Variants in ADAM23 observed in about 807,000 individuals in gnomAD.
ADAM23 encodes the protein disintegrin and metalloproteinase domain-containing protein 23.
ADAM23 carries 33 observed loss-of-function variants against 120.1 expected under a neutral mutation model. The ratio of observed to expected loss-of-function variants is 0.27; its 90% CI spans 0.21 to 0.37. ADAM23 has a LOEUF of 0.37. Among genes scored for constraint, ADAM23 ranks in the 10% least tolerant of loss-of-function variants. The probability of loss-of-function intolerance (pLI) is 1.00; values close to 1 mark genes in which losing one functional copy is unlikely to be tolerated. For synonymous variants in ADAM23, 367 were observed against 375.2 expected (o/e 0.98, Z 0.25); for missense variants, 862 against 1,058.2 (o/e 0.81, Z 2.57).
intron 3 of ADAM23, among the ~76,000 whole-genome samples, chr2:206,529,025 G>A (rs1261995177): frequency 6.6e-6 from 1 of 152,166 alleles, no homozygotes; most frequent in East Asian, 1.9e-4. Flanking sequence ...ATAATCCAGT[G>A]CTCTTCAGGA....
chr2:206,508,082 T>G (rs993620560), intron 3 of ADAM23, among the ~76,000 whole-genome samples: 2 of 152,056 alleles, frequency 1.3e-5, no homozygotes, highest in Admixed American at 6.6e-5. Flanking sequence ...CAGGCTGGAG[T>G]GCAGTGGCGC....
rs571232348 is a variant in ADAM23 at position 206,530,907 on chromosome 2, G to A, written c.532G>A (p.Val178Met). The A allele has an allele frequency of 3.7e-5, 60 of 1,613,914 alleles. 1 individual carries two copies. In the South Asian group the frequency reaches 6.2e-4, roughly 17 times the overall value. Residue 178 changes from valine (V) to methionine (M), a missense_variant, in exon 4 of 26, where the codon GTG becomes ATG. Physicochemically the swap from Val to Met is conservative, Grantham distance 21. Transcript: ENST00000264377. ...TAGTGGTTTGTTGTCTTCTGATTAT[G>A]TGGAGATTCACTACGAAAATGGGAA... ...LNNGLLSSDY[V>M]EIHYENGKPQ...
In ADAM23 at chr2:206,560,123, G is replaced by A. The variant is rs1453973519; in HGVS notation, c.1169+5G>A. ...TGATGCTGTGCACCTCATCTCGTAC[G>A]TACTCATTTCAGCCTTTAGTGTAGT... On this transcript the variant is annotated splice_donor_5th_base_variant and intron_variant, in intron 11 of 25. Transcript: ENST00000264377. 1 of 1,611,286 alleles carries A rather than the reference G, an allele frequency of 6.2e-7. No individual in the cohort carries two copies. Among genetic ancestry groups the A allele is most frequent in the Non-Finnish European group, 8.5e-7 (1 of 1,178,422 alleles).
At chr2:206,523,929 C>T (rs868432829) in intron 3 of ADAM23, among the ~76,000 whole-genome samples, 1 of 151,972 alleles carries the variant, frequency 6.6e-6, no homozygotes, top group African/African-American at 2.4e-5. Context: ...AATGTCACTA[C>T]GCTCGAGGCT....
chr2:206,594,681 G>A, intron 22 of ADAM23, 56 bp from the exon 23 acceptor site: 7 of 1,589,300 alleles, frequency 4.4e-6, no homozygotes, highest in Non-Finnish European at 6.0e-6. Flanking sequence ...CCTCATTCAT[G>A]GAATGATGTT....
At chr2:206,521,197 T>G (rs1180883612) in intron 3 of ADAM23, among the ~76,000 whole-genome samples, 3 of 152,110 alleles carry the variant, frequency 2.0e-5, no homozygotes, top group Non-Finnish European at 4.4e-5. Flanking sequence ...GCAATGAGAT[T>G]ATAATCACCT....
Position 206,501,326 on chromosome 2 carries a change from A to G in ADAM23, c.509+20018A>G, listed in dbSNP as rs575670412. On this transcript the variant is annotated intron_variant, in intron 3 of 25. Transcript: ENST00000264377. ...GGTAGCTGATTCTTAAACTATGCTG[A>G]TTGCTATCAAGTACTTTTTTTTTTC... Among the ~76,000 whole-genome samples the G allele has an allele frequency of 6.6e-5, 10 of 151,810 alleles. No homozygotes were observed. In the South Asian group the frequency reaches 8.3e-4, roughly 13 times the overall value.
chr2:206,536,815 C>T (rs924021887), intron 4 of ADAM23, among the ~76,000 whole-genome samples: 1 of 152,032 alleles, frequency 6.6e-6, no homozygotes. Flanking sequence ...AAGAGATTCT[C>T]CTGTCTCAGC....
chr2:206,485,196 G>A (rs1695986411), intron 3 of ADAM23, among the ~76,000 whole-genome samples: 1 of 152,196 alleles, frequency 6.6e-6, no homozygotes, highest in Non-Finnish European at 1.5e-5. Flanking sequence ...TAGAACATGA[G>A]ATGTGTTGCT....
intron 2 of ADAM23, among the ~76,000 whole-genome samples, chr2:206,465,698 G>T (rs935157942): frequency 1.3e-5 from 2 of 152,064 alleles, no homozygotes; most frequent in African/African-American, 4.8e-5. Context: ...TGTAAAAATT[G>T]CTCTGTTTGT....
At chr2:206,470,614 AG>A (rs1401220073) in intron 2 of ADAM23, among the ~76,000 whole-genome samples, 4 of 152,184 alleles carry the variant, frequency 2.6e-5, no homozygotes, top group Non-Finnish European at 4.4e-5. Context: ...CTCTATGTTG[AG>A]GAACAGGCCT....
chr2:206,466,114 T>C (rs1695537525), intron 2 of ADAM23, among the ~76,000 whole-genome samples: 2 of 152,212 alleles, frequency 1.3e-5, no homozygotes, highest in African/African-American at 4.8e-5. Flanking sequence ...TTTGAAATAT[T>C]AGAAGCAGTA....
chr2:206,618,976 AG>A lies in ADAM23; in HGVS notation c.*1350del, dbSNP rs1698989973. The A allele has an allele frequency of 6.6e-6, 1 of 152,202 alleles. No homozygotes were observed. The highest frequency in any genetic ancestry group is 2.4e-5 in the African/African-American group (1 of 41,448). The allele number at this position is 152,202 out of a possible 1,614,324, so 9.4% of individuals were successfully genotyped here. ...TAAAAAAATTTTTTTAAATGTTAAA[AG>A]CTTGGAAAAAATTAAGCTTTCCATT... On this transcript the variant is annotated 3_prime_UTR_variant, in exon 26 of 26. Transcript: ENST00000264377.
At chr2:206,518,334 ACT>A (rs985451324) in intron 3 of ADAM23, among the ~76,000 whole-genome samples, 8 of 152,282 alleles carry the variant, frequency 5.3e-5, no homozygotes, top group Middle Eastern at 6.8e-3. Context: ...AAATGTCTAG[ACT>A]CTATAATTAG....
chr2:206,604,157 T>C (rs772412640), intron 24 of ADAM23, among the ~76,000 whole-genome samples: 1 of 151,890 alleles, frequency 6.6e-6, no homozygotes, highest in Non-Finnish European at 1.5e-5. Context: ...TCCCAGCTAC[T>C]TGGGAGGGTG....
chr2:206,575,360 T>A (rs937861376), intron 18 of ADAM23, among the ~76,000 whole-genome samples: 3 of 152,232 alleles, frequency 2.0e-5, no homozygotes, highest in Non-Finnish European at 4.4e-5. Context: ...ACACAGTTTT[T>A]ATAGTTAATT....
At chr2:206,576,259 C>T (rs1283807037) in intron 18 of ADAM23, among the ~76,000 whole-genome samples, 1 of 94,508 alleles carries the variant, frequency 1.1e-5, no homozygotes, top group Non-Finnish European at 2.3e-5. Context: ...TTATGTTTAC[C>T]ATATATGGTT....
intron 3 of ADAM23, among the ~76,000 whole-genome samples, chr2:206,488,032 T>G (rs1239377761): frequency 6.6e-6 from 1 of 152,260 alleles, no homozygotes; most frequent in African/African-American, 2.4e-5. Flanking sequence ...TAGAAAATGC[T>G]GATTTAAAGA....
At chr2:206,553,010 T>C (rs1049078619) in intron 9 of ADAM23, among the ~76,000 whole-genome samples, 2 of 152,108 alleles carry the variant, frequency 1.3e-5, no homozygotes, top group South Asian at 2.1e-4. Context: ...AGGTATGATA[T>C]GGTCATCAGT....
Sources: gnomAD v4.1 joint callset for allele counts (sites outside exome capture counted in the v4.1 genomes callset) on GRCh38, gnomAD v4.1.1 for gene constraint, MANE v1.5 for transcripts, NCBI Gene and HGNC (gene_info 2026-07-23, HGNC 2026-07-21) for gene names.